DNAAF1: variants seen among roughly 807,000 people sequenced by gnomAD.
DNAAF1 encodes the protein dynein axonemal assembly factor 1, also known as dynein assembly factor 1, axonemal.
In DNAAF1, 65 loss-of-function variants were observed where a neutral mutation model predicts 71.1. The observed-to-expected ratio is 0.91, with a 90% CI of 0.75 to 1.12. The LOEUF (loss-of-function observed/expected upper bound fraction) is 1.12, where lower values mean the gene tolerates loss of function less well. Among genes scored for constraint, DNAAF1 ranks in the 50% most tolerant of loss-of-function variants. The pLI is 0.00. For synonymous variants in DNAAF1, 414 were observed against 354.6 expected (o/e 1.17, Z -1.88); for missense variants, 1,178 against 899.8 (o/e 1.31, Z -3.96).
At position 84,169,840 on chromosome 16, in the gene DNAAF1, T is replaced by G; in HGVS notation, c.1031-19T>G. 2.5e-6 allele frequency: 4 copies of G among 1,613,196 alleles called. No homozygotes were observed. Among genetic ancestry groups the G allele is most frequent in the Non-Finnish European group, 2.5e-6 (3 of 1,180,046 alleles). On this transcript the variant is annotated intron_variant, in intron 7 of 11. Coordinates refer to ENST00000378553, the MANE Select transcript of DNAAF1 (RefSeq NM_178452.6). ...TCCCAGGACACTCCCACATTCACCTTTGCATTTTCTGCCATTAGGGGAGAT... is the reference window on the plus strand; with the variant it reads ...TCCCAGGACACTCCCACATTCACCTGTGCATTTTCTGCCATTAGGGGAGAT...
chr16:84,166,037 A>ATT lies in DNAAF1; in HGVS notation c.1030+114_1030+115dup, dbSNP rs58906103. The ATT allele has an allele frequency of 2.8e-3, 2,980 of 1,082,870 alleles. 1 individual carries two copies. Among genetic ancestry groups the ATT allele is most frequent in the Non-Finnish European group, 3.2e-3 (2,477 of 779,732 alleles). The allele number at this position is 1,082,870 out of a possible 1,614,324, so 67.1% of individuals were successfully genotyped here. A position where few individuals can be genotyped will look rare whatever the true frequency, so the allele number is the denominator to read the frequency against. On this transcript the variant is annotated intron_variant, in intron 7 of 11. Transcript: ENST00000378553. ...TCAAACCCAGTCTTTAATCTTGGGAATTTTTTTTTTTTTTTTTTTTTTTTT... is the reference window on the plus strand; with the variant it reads ...TCAAACCCAGTCTTTAATCTTGGGAATTTTTTTTTTTTTTTTTTTTTTTTTTT...
At chr16:84,159,386 A>C (rs1049437259) in intron 5 of DNAAF1, among the ~76,000 whole-genome samples, 1 of 152,248 alleles carries the variant, frequency 6.6e-6, no homozygotes, top group South Asian at 2.1e-4. Flanking sequence ...AACTGCACTC[A>C]GAAAAAGCCT....
In DNAAF1 at chr16:84,176,064, T is replaced by C. The variant is rs1478879131; in HGVS notation, c.1830T>C (p.Ser610=). Reference sequence around the variant, plus strand: ...CTCTGTCAAATATATTTGCAGTCTCTAAAGACACCTCAAAGGCGGCTCGGG... The same window carrying C: ...CTCTGTCAAATATATTTGCAGTCTCCAAAGACACCTCAAAGGCGGCTCGGG... The part of the protein sequence containing the change: ...TDTLSNIFAV[S]KDTSKAARVP... Residue 610 remains serine, a synonymous_variant, in exon 11 of 12, where the codon TCT becomes TCC. Coordinates refer to ENST00000378553, the MANE Select transcript of DNAAF1 (RefSeq NM_178452.6). 1.2e-6 allele frequency: 2 copies of C among 1,614,138 alleles called. No individual in the cohort carries two copies. Among genetic ancestry groups the C allele is most frequent in the Non-Finnish European group, 1.7e-6 (2 of 1,180,020 alleles).
At position 84,155,664 on chromosome 16, in the gene DNAAF1, G is replaced by A; in HGVS notation, c.656G>A (p.Cys219Tyr). 6.2e-7 allele frequency: 1 copy of A among 1,614,194 alleles called. No individual in the cohort carries two copies. The highest frequency in any genetic ancestry group is 8.5e-7 in the Non-Finnish European group (1 of 1,180,038). ...GAGGACATTCAGCATCTACAAGAGT[G>A]TTTGAGGCTTTGTGTCCTTGACCTT... ...TVEDIQHLQE[C>Y]LRLCVLDLSH... The change falls in exon 5 of 12, where the codon TGT (cysteine) becomes TAT (tyrosine). Residue 219 changes from cysteine (C) to tyrosine (Y), a missense_variant. Coordinates refer to ENST00000378553, the MANE Select transcript of DNAAF1 (RefSeq NM_178452.6).
chr16:84,158,347 T>C (rs182384995), intron 5 of DNAAF1, among the ~76,000 whole-genome samples: 119 of 152,336 alleles, frequency 7.8e-4, no homozygotes, highest in African/African-American at 2.8e-3. Flanking sequence ...CCCTGGGTCC[T>C]CACATGGTCC....
chr16:84,160,371 C>T (rs555037641), intron 6 of DNAAF1, among the ~76,000 whole-genome samples: 52 of 152,092 alleles, frequency 3.4e-4, no homozygotes, highest in Non-Finnish European at 7.1e-4. Flanking sequence ...TTTGTAAGGG[C>T]TTCTTTAATA....
At chr16:84,163,900 C>T (rs981151308) in intron 6 of DNAAF1, among the ~76,000 whole-genome samples, 2 of 150,974 alleles carry the variant, frequency 1.3e-5, no homozygotes, top group African/African-American at 4.9e-5. Context: ...TGCTCTGTCA[C>T]CAAGCAACCC....
At chr16:84,162,743 C>T (rs552243324) in intron 6 of DNAAF1, among the ~76,000 whole-genome samples, 11 of 151,908 alleles carry the variant, frequency 7.2e-5, no homozygotes, top group Non-Finnish European at 1.2e-4. Context: ...CGCTTGAACC[C>T]GGGAGGCGGA....
chr16:84,159,101 G>A, intron 5 of DNAAF1: 1 of 992,604 alleles, frequency 1.0e-6, no homozygotes, highest in Non-Finnish European at 1.2e-6. Context: ...AGATGGGGGA[G>A]GATGGCAGGT....
At chr16:84,160,600 A>T (rs1403375408) in intron 6 of DNAAF1, among the ~76,000 whole-genome samples, 1 of 152,184 alleles carries the variant, frequency 6.6e-6, no homozygotes, top group Non-Finnish European at 1.5e-5. Context: ...ATTTAAATCA[A>T]ACTAACAAAT....
intron 10 of DNAAF1, chr16:84,175,264 GC>G (rs1483883776): frequency 4.7e-6 from 1 of 211,516 alleles, no homozygotes; most frequent in Non-Finnish European, 9.7e-6. Flanking sequence ...GTTTGTAACA[GC>G]TGAGTACAGT....
chr16:84,172,504 TG>T (rs2088417661), intron 9 of DNAAF1, 129 bp downstream of exon 9: 1 of 1,511,964 alleles, frequency 6.6e-7, no homozygotes, highest in Non-Finnish European at 8.9e-7. Context: ...CTGGCATTTC[TG>T]GGGCGCTGGT....
At chr16:84,148,383 A>C (rs1472002847) in intron 1 of DNAAF1, among the ~76,000 whole-genome samples, 1 of 152,006 alleles carries the variant, frequency 6.6e-6, no homozygotes, top group East Asian at 1.9e-4. Context: ...TCATTGTTTT[A>C]TGTAACCAGC....
In DNAAF1 at chr16:84,150,275, A is replaced by G; in HGVS notation, c.285A>G (p.Lys95=). The G allele has an allele frequency of 6.2e-7, 1 of 1,613,852 alleles. No homozygotes were observed. The highest frequency in any genetic ancestry group is 8.5e-7 in the Non-Finnish European group (1 of 1,179,810). Reference sequence around the variant, plus strand: ...GAATGACTAAAAGTTCCCTGCAAAAACTCTGCAAGCAGCACAAGCTTTATA... The same window carrying G: ...GAATGACTAAAAGTTCCCTGCAAAAGCTCTGCAAGCAGCACAAGCTTTATA... ...GPRMTKSSLQ[K]LCKQHKLYIT... Residue 95 remains lysine (K), a synonymous_variant, in exon 3 of 12, where the codon AAA becomes AAG. Transcript: ENST00000378553.
chr16:84,146,761 A>G (rs2086933276), intron 1 of DNAAF1, among the ~76,000 whole-genome samples: 1 of 152,108 alleles, frequency 6.6e-6, no homozygotes, highest in African/African-American at 2.4e-5. Flanking sequence ...AAAAAAGGAA[A>G]GAAGGAAGCC....
chr16:84,152,626 C>T (rs1017667178), intron 3 of DNAAF1, among the ~76,000 whole-genome samples: 5 of 129,440 alleles, frequency 3.9e-5, no homozygotes, highest in African/African-American at 1.5e-4. Flanking sequence ...CCAGCCTAGG[C>T]GACAGAGCAA....
rs933793669 is a variant in DNAAF1, at chr16:84,147,759, C to A, written c.125-1248C>A. On this transcript the variant is annotated intron_variant, in intron 1 of 11. Coordinates refer to ENST00000378553, the MANE Select transcript of DNAAF1 (RefSeq NM_178452.6). ...TTTTAATTAAAGAAATAAGCCCCCCCCAAAAAAAAAATAAAAATAAATAAG... is the reference window on the plus strand; with the variant it reads ...TTTTAATTAAAGAAATAAGCCCCCCACAAAAAAAAAATAAAAATAAATAAG... Among the ~76,000 whole-genome samples the A allele has an allele frequency of 6.4e-3, 955 of 149,760 alleles. 5 individuals are homozygous for A. Among genetic ancestry groups the A allele is most frequent in the Non-Finnish European group, 9.6e-3 (648 of 67,456 alleles).
rs150500117 is a variant in DNAAF1, at chr16:84,171,226, G to A, written c.1528+870G>A. On this transcript the variant is annotated intron_variant, in intron 8 of 11. Transcript: ENST00000378553. ...CGAGGCAGGCAGATTGCTTGAGGCC[G>A]GGAGTTCGAGACCAGCCTGGCCAAC... Among the ~76,000 whole-genome samples the A allele has an allele frequency of 2.2e-3, 339 of 152,154 alleles. 1 individual carries two copies. Among genetic ancestry groups the A allele is most frequent in the Middle Eastern group, 0.01 (3 of 294 alleles).
chr16:84,170,362 G>A lies in DNAAF1; in HGVS notation c.1528+6G>A, dbSNP rs2088265319. 7.4e-6 allele frequency: 12 copies of A among 1,613,556 alleles called. No individual in the cohort carries two copies. The highest frequency in any genetic ancestry group is 1.3e-5 in the African/African-American group (1 of 74,956). ...CCTGGGAGCTGCCAGGGAAGGTAAT[G>A]TGAGCGGAGAAACACACACAGACAC... is the stretch of plus-strand genomic sequence containing the variant. On this transcript the variant is annotated splice_donor_region_variant and intron_variant, in intron 8 of 11. Transcript: ENST00000378553.
Sources: allele counts gnomAD v4.1 joint callset (sites outside exome capture counted in the v4.1 genomes callset), GRCh38; gene constraint gnomAD v4.1.1; transcripts MANE v1.5; gene names NCBI Gene and HGNC (gene_info 2026-07-23, HGNC 2026-07-21).